TFDP2: variants seen among roughly 807,000 people sequenced by gnomAD.
TFDP2 encodes transcription factor Dp-2 (E2F dimerization partner 2).
Under a neutral mutation model 59.3 loss-of-function variants are expected in TFDP2, and 17 were observed. That is an observed-to-expected ratio of 0.29 (90% CI 0.20 to 0.43). The LOEUF is 0.43. Among genes scored for constraint, TFDP2 ranks in the 20% least tolerant of loss-of-function variants. The pLI, the probability that TFDP2 is intolerant of heterozygous loss-of-function variation, is 1.00. For synonymous variants in TFDP2, 180 were observed against 194.7 expected (o/e 0.92, Z 0.63); for missense variants, 391 against 528.8 (o/e 0.74, Z 2.56).
At chr3:142,120,238 T>G (rs2108693057) in intron 1 of TFDP2, among the ~76,000 whole-genome samples, 1 of 151,678 alleles carries the variant, frequency 6.6e-6, no homozygotes, top group Admixed American at 6.6e-5. Flanking sequence ...GGTGGGCGCC[T>G]GTAGTCCCAG....
intron 3 of TFDP2, among the ~76,000 whole-genome samples, chr3:142,033,932 A>G (rs1291626882): frequency 6.6e-6 from 1 of 151,996 alleles, no homozygotes; most frequent in East Asian, 1.9e-4. Context: ...AAACTTTAAT[A>G]TTTCTCTTCC....
intron 1 of TFDP2, among the ~76,000 whole-genome samples, chr3:142,140,760 G>A (rs974811563): frequency 2.6e-5 from 4 of 152,110 alleles, no homozygotes; most frequent in African/African-American, 4.8e-5. Context: ...TGGAAGCTTC[G>A]TCCCAGGGGG....
chr3:142,029,924 C>T (rs548320405), intron 3 of TFDP2, among the ~76,000 whole-genome samples: 2 of 152,308 alleles, frequency 1.3e-5, no homozygotes, highest in South Asian at 4.1e-4. Flanking sequence ...GTACAACTCT[C>T]CTAGATGACT....
rs1442460513 is a variant in TFDP2, at chr3:141,947,412, T to A, written c.*5101A>T. On this transcript the variant is annotated 3_prime_UTR_variant, in exon 13 of 13. Coordinates refer to ENST00000489671, the MANE Select transcript of TFDP2 (RefSeq NM_001178139.2). ...GTTCTCAATTTCTAATCATTTTTCT[T>A]TCTTTCTTTTTTCTTTTTTTGAGAC... The A allele has an allele frequency of 1.3e-5, 2 of 152,132 alleles. No individual in the cohort carries two copies. The highest frequency in any genetic ancestry group is 2.4e-5 in the African/African-American group (1 of 41,430). 9.4% of individuals were successfully genotyped at this position (152,132 alleles called of 1,614,324 possible).
At chr3:142,005,262 C>A (rs1215909371) in intron 4 of TFDP2, among the ~76,000 whole-genome samples, 179 bp downstream of exon 4, 1 of 152,224 alleles carries the variant, frequency 6.6e-6, no homozygotes, top group Non-Finnish European at 1.5e-5. Flanking sequence ...TGGTCTTGAA[C>A]TCCTGGGCTC....
chr3:141,954,838 A>C (rs1936390564), intron 11 of TFDP2, among the ~76,000 whole-genome samples: 1 of 152,184 alleles, frequency 6.6e-6, no homozygotes, highest in Admixed American at 6.5e-5. Context: ...TACTATACAA[A>C]AAAATGAAAC....
At chr3:142,071,229 T>A (rs930248229) in intron 3 of TFDP2, among the ~76,000 whole-genome samples, 1 of 152,044 alleles carries the variant, frequency 6.6e-6, no homozygotes, top group Admixed American at 6.6e-5. Context: ...GAATCTTGGC[T>A]TACTGCAAGC....
At chr3:142,102,704 T>A (rs958073359) in intron 1 of TFDP2, among the ~76,000 whole-genome samples, 6 of 152,316 alleles carry the variant, frequency 3.9e-5, no homozygotes, top group Admixed American at 3.9e-4. Flanking sequence ...TGATCAAAGT[T>A]ACCAAATGAT....
chr3:142,067,026 T>C (rs765921832), intron 3 of TFDP2, among the ~76,000 whole-genome samples: 2 of 152,034 alleles, frequency 1.3e-5, no homozygotes, highest in East Asian at 1.9e-4. Flanking sequence ...AGGGCAGCTA[T>C]AAAAAAAATC....
intron 8 of TFDP2, among the ~76,000 whole-genome samples, chr3:141,971,709 A>G (rs1034740607): frequency 5.3e-5 from 8 of 152,218 alleles, no homozygotes; most frequent in African/African-American, 1.9e-4. Context: ...GAGAAAGAGA[A>G]TAGCAAACTA....
At chr3:142,100,652 C>G (rs536200742) in intron 2 of TFDP2, among the ~76,000 whole-genome samples, 1 of 152,040 alleles carries the variant, frequency 6.6e-6, no homozygotes, top group East Asian at 1.9e-4. Flanking sequence ...GGATTACAGG[C>G]GTGAGCCACC....
At chr3:142,135,164 G>C (rs1310077382) in intron 1 of TFDP2, among the ~76,000 whole-genome samples, 1 of 152,006 alleles carries the variant, frequency 6.6e-6, no homozygotes, top group African/African-American at 2.4e-5. Flanking sequence ...GCTATACATA[G>C]GCAGGATCAT....
At chr3:142,141,278 G>C (rs2062951748) in intron 1 of TFDP2, among the ~76,000 whole-genome samples, 1 of 152,202 alleles carries the variant, frequency 6.6e-6, no homozygotes, top group African/African-American at 2.4e-5. Flanking sequence ...GTCTGTCACG[G>C]CTTCCCTTGA....
At chr3:141,954,633 C>A (rs73230671) in intron 11 of TFDP2, among the ~76,000 whole-genome samples, 9 of 149,148 alleles carry the variant, frequency 6.0e-5, no homozygotes, top group Admixed American at 1.3e-4. Context: ...TCAAAAAAAA[C>A]AAAAAAAAAC....
Position 142,121,702 on chromosome 3 carries a change from T to C in TFDP2, c.-92-19861A>G, listed in dbSNP as rs2062052264. Among the ~76,000 whole-genome samples, 1 of 152,206 alleles carries C rather than the reference T, an allele frequency of 6.6e-6. No individual in the cohort carries two copies. Among genetic ancestry groups the C allele is most frequent in the African/African-American group, 2.4e-5 (1 of 41,560 alleles). The stretch of plus-strand genomic sequence containing the variant: ...TAGAAGACTCTTTCAAGGAGTAGCA[T>C]ATGATTAGGATATGAAGTTTAAAAA... On this transcript the variant is annotated intron_variant, in intron 1 of 12. Coordinates refer to ENST00000489671, the MANE Select transcript of TFDP2 (RefSeq NM_001178139.2). The surrounding 1 kb of genome is among the most constrained non-coding windows in gnomAD (Gnocchi z 4.3).
At chr3:142,005,590 G>A (rs757102169) in intron 3 of TFDP2, 46 bp from the exon 4 acceptor site, 3 of 1,393,856 alleles carry the variant, frequency 2.2e-6, no homozygotes, top group Non-Finnish European at 3.0e-6. Flanking sequence ...CCATACCAAG[G>A]CCATTTTCTA....
intron 7 of TFDP2, among the ~76,000 whole-genome samples, chr3:141,976,688 C>T (rs770018606): frequency 2.0e-5 from 3 of 151,802 alleles, no homozygotes; most frequent in South Asian, 2.1e-4. Context: ...TAGCAGAAGA[C>T]GAGATTAGTG....
intron 6 of TFDP2, among the ~76,000 whole-genome samples, 156 bp downstream of exon 6, chr3:141,993,382 A>C (rs1044781232): frequency 6.6e-6 from 1 of 152,190 alleles, no homozygotes; most frequent in African/African-American, 2.4e-5. Context: ...CTATGAGTGA[A>C]CTGGGGCACT....
At chr3:142,149,094 G>A (rs768351138) in intron 1 of TFDP2, 89 bp downstream of exon 1, 39 of 396,470 alleles carry the variant, frequency 9.8e-5, no homozygotes, top group Admixed American at 3.1e-4. Context: ...GGGCCCCTGT[G>A]CGCAGGGAGG....
Sources: allele counts gnomAD v4.1 joint callset (sites outside exome capture counted in the v4.1 genomes callset), GRCh38; gene constraint gnomAD v4.1.1; non-coding constraint Gnocchi (gnomAD v3.1); transcripts MANE v1.5; gene names NCBI Gene and HGNC (gene_info 2026-07-23, HGNC 2026-07-21).